The following AKAP19 variants were observed in gnomAD, a reference collection of about 807,000 sequenced individuals.
AKAP19 encodes small A-kinase anchoring protein.
At chr2:189,898,542 C>A in the AKAP19 span, among the ~76,000 whole-genome samples, 1 of 152,092 alleles carries the variant, frequency 6.6e-6, no homozygotes, top group African/African-American at 2.4e-5. Flanking sequence ...CTACTCATAT[C>A]TTCTTTTGGC....
chr2:189,907,944 C>CT, the AKAP19 span, among the ~76,000 whole-genome samples: 1 of 151,816 alleles, frequency 6.6e-6, no homozygotes, highest in Non-Finnish European at 1.5e-5. Context: ...CTGAGTTTTT[C>CT]TTTTTTCTGA....
At chr2:190,009,806 A>T in the AKAP19 span, among the ~76,000 whole-genome samples, 1 of 152,126 alleles carries the variant, frequency 6.6e-6, no homozygotes, top group Non-Finnish European at 1.5e-5. Context: ...AACTCTTAGG[A>T]TACACCAACA....
the AKAP19 span, among the ~76,000 whole-genome samples, chr2:190,188,200 A>G: frequency 6.6e-6 from 1 of 152,184 alleles, no homozygotes; most frequent in Admixed American, 6.5e-5. Context: ...AAGCACTTAC[A>G]TTCTATGGGC....
At chr2:190,085,261 A>G in the AKAP19 span, among the ~76,000 whole-genome samples, 2 of 152,256 alleles carry the variant, frequency 1.3e-5, no homozygotes, top group Non-Finnish European at 2.9e-5. Flanking sequence ...TGGTTATTCA[A>G]TTAAAGCCTA....
At chr2:190,010,866 T>A in the AKAP19 span, among the ~76,000 whole-genome samples, 1 of 152,304 alleles carries the variant, frequency 6.6e-6, no homozygotes, top group African/African-American at 2.4e-5. Flanking sequence ...ATACTTAACA[T>A]ACAATGTTAT....
At chr2:189,913,973 G>A in the AKAP19 span, among the ~76,000 whole-genome samples, 1 of 151,960 alleles carries the variant, frequency 6.6e-6, no homozygotes. Context: ...TATTCCATAC[G>A]GAAATGAGGA....
At chr2:189,881,948 A>C in the AKAP19 span, among the ~76,000 whole-genome samples, 22 of 152,332 alleles carry the variant, frequency 1.4e-4, no homozygotes, top group South Asian at 2.5e-3. Flanking sequence ...ACAGTGCAGC[A>C]AGAATAATTA....
chr2:190,038,274 A>C, the AKAP19 span, among the ~76,000 whole-genome samples: 4 of 152,264 alleles, frequency 2.6e-5, no homozygotes, highest in Admixed American at 2.6e-4. Context: ...TGTCATCCAC[A>C]TCTAAACTTA....
At chr2:189,979,588 T>C in the AKAP19 span, among the ~76,000 whole-genome samples, 1 of 152,120 alleles carries the variant, frequency 6.6e-6, no homozygotes, top group Admixed American at 6.6e-5. Flanking sequence ...TGAGACTTAA[T>C]TAAACTAAGG....
the AKAP19 span, among the ~76,000 whole-genome samples, chr2:189,972,379 C>T: frequency 6.6e-6 from 1 of 152,274 alleles, no homozygotes; most frequent in Non-Finnish European, 1.5e-5. Flanking sequence ...GTTTTGATTG[C>T]TGTAGTCTTG....
the AKAP19 span, among the ~76,000 whole-genome samples, chr2:190,028,250 T>C: frequency 1.3e-5 from 2 of 152,140 alleles, no homozygotes; most frequent in Admixed American, 1.3e-4. Flanking sequence ...TCATTTTTTC[T>C]GTATTGTTTG....
At chr2:189,956,177 C>CTTTTTTTTTTTTTTTT in the AKAP19 span, among the ~76,000 whole-genome samples, 51 of 122,938 alleles carry the variant, frequency 4.1e-4, 1 homozygote, top group East Asian at 8.9e-4. Context: ...TCTTTTTTTT[C>CTTTTTTTTTTTTTTTT]TTTTTTTTTT....
At chr2:189,947,927 A>G in the AKAP19 span, among the ~76,000 whole-genome samples, 1 of 152,152 alleles carries the variant, frequency 6.6e-6, no homozygotes, top group East Asian at 1.9e-4. Flanking sequence ...TTGAAGCAAT[A>G]GGTTTATGTT....
chr2:189,931,455 A>G, the AKAP19 span, among the ~76,000 whole-genome samples: 1 of 152,162 alleles, frequency 6.6e-6, no homozygotes, highest in African/African-American at 2.4e-5. Context: ...TCAAACTCCC[A>G]GGCTCAAACA....
the AKAP19 span, among the ~76,000 whole-genome samples, chr2:189,932,006 T>G: frequency 6.6e-6 from 1 of 152,216 alleles, no homozygotes; most frequent in Non-Finnish European, 1.5e-5. Flanking sequence ...AAAAAAGTTC[T>G]AAATTTTGCC....
the AKAP19 span, among the ~76,000 whole-genome samples, chr2:190,194,481 C>A: frequency 5.4e-5 from 5 of 93,284 alleles, no homozygotes; most frequent in Admixed American, 3.7e-4. Flanking sequence ...TGTGTATACA[C>A]ACACACACAC....
the AKAP19 span, chr2:190,079,133 T>C: frequency 6.6e-6 from 1 of 152,330 alleles, no homozygotes; most frequent in African/African-American, 2.4e-5. Flanking sequence ...CCCTTTTGGG[T>C]AGTTAATAGG....
chr2:190,199,940 C>T, the AKAP19 span: 1 of 1,614,054 alleles, frequency 6.2e-7, no homozygotes, highest in Admixed American at 1.7e-5. Context: ...AGTGAAGAAC[C>T]CTTTATGCCA....
chr2:190,037,894 T>A, the AKAP19 span, among the ~76,000 whole-genome samples: 1 of 152,232 alleles, frequency 6.6e-6, no homozygotes, highest in Non-Finnish European at 1.5e-5. Flanking sequence ...TACGTGTTTT[T>A]ACAATGAAAA....
Sources: allele counts gnomAD v4.1 joint callset (sites outside exome capture counted in the v4.1 genomes callset), GRCh38; gene constraint gnomAD v4.1.1; transcripts MANE v1.5; gene names NCBI Gene and HGNC (gene_info 2026-07-23, HGNC 2026-07-21).